Variants in BMP7 observed in about 807,000 individuals in gnomAD.
The protein encoded by BMP7 is osteogenic protein 1.
BMP7 carries 12 observed loss-of-function variants against 41.2 expected under a neutral mutation model. That is an observed-to-expected ratio of 0.29 (90% CI 0.19 to 0.47). The LOEUF (loss-of-function observed/expected upper bound fraction) is 0.47, where lower values mean the gene tolerates loss of function less well. Ranked by LOEUF, BMP7 falls within the 20% of genes least tolerant of loss-of-function variation. BMP7 has a pLI of 0.99. For synonymous variants in BMP7, 248 were observed against 250.0 expected (o/e 0.99, Z 0.07); for missense variants, 467 against 606.0 (o/e 0.77, Z 2.41).
At chr20:57,216,551 A>AGGGGGCTGTCTCCTGAGGGCGG (rs200926960) in intron 2 of BMP7, among the ~76,000 whole-genome samples, 3 of 115,470 alleles carry the variant, frequency 2.6e-5, no homozygotes, top group African/African-American at 1.6e-4. Flanking sequence ...CCTGAGGGCG[A>AGGGGGCTGTCTCCTGAGGGCGG]GGGGCTGTCT....
intron 2 of BMP7, among the ~76,000 whole-genome samples, chr20:57,208,978 G>T (rs1984808263): frequency 6.6e-6 from 1 of 151,846 alleles, no homozygotes; most frequent in Non-Finnish European, 1.5e-5. Flanking sequence ...GAGCCCAGGA[G>T]TTCAAGACCA....
chr20:57,184,023 T>C, intron 3 of BMP7, 104 bp from the exon 4 acceptor site: 1 of 1,285,208 alleles, frequency 7.8e-7, no homozygotes, highest in Non-Finnish European at 1.1e-6. Context: ...CATGAACTCC[T>C]TATTCCTCCA....
intron 4 of BMP7, among the ~76,000 whole-genome samples, chr20:57,181,251 T>C (rs116492589): frequency 0.063 from 9,560 of 152,104 alleles, 370 homozygotes; most frequent in Middle Eastern, 0.14. Flanking sequence ...ATGCCTGTAA[T>C]CTCAGTACTT....
rs1270557215 is a variant in BMP7, at chr20:57,171,047, G to C, written c.1208C>G (p.Ala403Gly). 1 of 1,614,240 alleles carries C rather than the reference G, an allele frequency of 6.2e-7. No homozygotes were observed. Among genetic ancestry groups the C allele is most frequent in the South Asian group, 1.1e-5 (1 of 91,080 alleles). ...KPCCAPTQLNAISVLYFDDSS... is the reference protein window; with the variant it reads ...KPCCAPTQLNGISVLYFDDSS... ...GTCATCGAAGTAGAGGACGGAGATG[G>C]CATTGAGCTGCGTGGGCGCACAGCA... The change falls in exon 7 of 7, where the codon GCC (alanine) becomes GGC (glycine). Residue 403 changes from alanine to glycine, a missense_variant. Ala to Gly is a moderately conservative substitution (Grantham distance 60, BLOSUM62 0). This residue lies in a region of BMP7 where 60 missense variants were observed against 120.1 expected (regional missense o/e 0.50). Coordinates refer to ENST00000395863, the MANE Select transcript of BMP7 (RefSeq NM_001719.3). The surrounding 1 kb of genome is among the most constrained non-coding windows in gnomAD (Gnocchi z 4.5).
chr20:57,245,635 ATTT>A (rs565788005), intron 1 of BMP7, among the ~76,000 whole-genome samples: 55 of 118,606 alleles, frequency 4.6e-4, no homozygotes, highest in South Asian at 5.4e-4. Context: ...GTGATTAGTG[ATTT>A]TTTTTTTTTT....
In BMP7 at chr20:57,254,948, C is replaced by A. The variant is rs149574358; in HGVS notation, c.418+10757G>T. Among the ~76,000 whole-genome samples the A allele has an allele frequency of 7.9e-5, 12 of 152,228 alleles. No homozygotes were observed. The East Asian group carries it at 2.3e-3, about 29-fold the overall frequency. ...TTATGGGGTACATGTAGGTGCCCCCCACAGGCACTCAGGGCCCTATGCCCT... is the reference window on the plus strand; with the variant it reads ...TTATGGGGTACATGTAGGTGCCCCCAACAGGCACTCAGGGCCCTATGCCCT... On this transcript the variant is annotated intron_variant, in intron 1 of 6. Coordinates refer to ENST00000395863, the MANE Select transcript of BMP7 (RefSeq NM_001719.3).
intron 1 of BMP7, among the ~76,000 whole-genome samples, chr20:57,251,330 G>A (rs2066112760): frequency 6.6e-6 from 1 of 152,180 alleles, no homozygotes; most frequent in Non-Finnish European, 1.5e-5. Context: ...TGGGGGCTCT[G>A]CAGTCTGACG....
chr20:57,181,568 C>T (rs545250048), intron 4 of BMP7, among the ~76,000 whole-genome samples: 1 of 152,126 alleles, frequency 6.6e-6, no homozygotes, highest in South Asian at 2.1e-4. Flanking sequence ...TCTTTCCTAT[C>T]GCTGCTTTAA....
intron 1 of BMP7, among the ~76,000 whole-genome samples, chr20:57,252,945 A>G (rs1311856550): frequency 6.6e-6 from 1 of 152,164 alleles, no homozygotes; most frequent in Non-Finnish European, 1.5e-5. Context: ...GCTGCCAAAC[A>G]TCCTATAATA....
Position 57,175,043 on chromosome 20 carries a change from T to G in BMP7, c.959-36A>C, listed in dbSNP as rs113547893. On this transcript the variant is annotated intron_variant, in intron 4 of 6. Transcript: ENST00000395863. ...AAGGAAGTGAAGAAGCAGAGCCCAG[T>G]GAGGAGAAAGAAACACACACACATC... The G allele has an allele frequency of 2.3e-3, 3,591 of 1,589,814 alleles. 6 individuals carry two copies. Among genetic ancestry groups the G allele is most frequent in the Non-Finnish European group, 2.9e-3 (3,379 of 1,169,284 alleles).
At chr20:57,195,934 G>A (rs532906612) in intron 3 of BMP7, among the ~76,000 whole-genome samples, 1 of 152,270 alleles carries the variant, frequency 6.6e-6, no homozygotes, top group Admixed American at 6.5e-5. Context: ...CTATGACCTT[G>A]GAGCTCAGGG....
At position 57,172,842 on chromosome 20, in the gene BMP7, CATCTGTTT is replaced by C. The variant is rs2055147351; in HGVS notation, c.1146+350_1146+357del. Among the ~76,000 whole-genome samples, 4 of 152,278 alleles carry C rather than the reference CATCTGTTT, an allele frequency of 2.6e-5. No homozygotes were observed. The South Asian group carries it at 8.3e-4, about 32-fold the overall frequency. On this transcript the variant is annotated intron_variant, in intron 6 of 6. Coordinates refer to ENST00000395863, the MANE Select transcript of BMP7 (RefSeq NM_001719.3). Reference sequence around the variant, plus strand: ...CACTGTGCCCCTCACTGAAATTTCTCATCTGTTTACCTGTTTCCTCTACTGGAAAATGA... The same window carrying C: ...CACTGTGCCCCTCACTGAAATTTCTCACCTGTTTCCTCTACTGGAAAATGA...
In BMP7 at chr20:57,259,672, C is replaced by T. The variant is rs537107380; in HGVS notation, c.418+6033G>A. Reference sequence around the variant, plus strand: ...TTGCGCGGCTCCCCACAATGCCTTCCGACACAAATGTTGAAAAGGCGGTAT... The same window carrying T: ...TTGCGCGGCTCCCCACAATGCCTTCTGACACAAATGTTGAAAAGGCGGTAT... On this transcript the variant is annotated intron_variant, in intron 1 of 6. Coordinates refer to ENST00000395863, the MANE Select transcript of BMP7 (RefSeq NM_001719.3). This position sits in a 1 kb window ranked among gnomAD's most constrained non-coding sequence, Gnocchi z 4.7. Among the ~76,000 whole-genome samples the T allele has an allele frequency of 7.9e-5, 12 of 152,230 alleles. No homozygotes were observed. The highest frequency in any genetic ancestry group is 2.4e-4 in the African/African-American group (10 of 41,538).
chr20:57,246,136 C>G (rs1225497443), intron 1 of BMP7, among the ~76,000 whole-genome samples: 3 of 152,190 alleles, frequency 2.0e-5, no homozygotes, highest in African/African-American at 7.2e-5. Flanking sequence ...CACAAGTGCT[C>G]TTGATTTCTG....
intron 1 of BMP7, among the ~76,000 whole-genome samples, chr20:57,255,792 T>C (rs1247269867): frequency 7.7e-5 from 6 of 77,606 alleles, no homozygotes; most frequent in African/African-American, 2.9e-4. Context: ...AGCGAGAGAC[T>C]CCATCTCAAA....
intron 5 of BMP7, among the ~76,000 whole-genome samples, chr20:57,173,913 A>G (rs1197722940): frequency 1.1e-4 from 16 of 152,190 alleles, no homozygotes; most frequent in Admixed American, 1.0e-3. Context: ...TAAGGGATCC[A>G]TGTGCCATCC....
intron 1 of BMP7, among the ~76,000 whole-genome samples, chr20:57,240,409 G>A (rs945498303): frequency 6.6e-6 from 1 of 152,136 alleles, no homozygotes; most frequent in Non-Finnish European, 1.5e-5. Flanking sequence ...CAGCGTTTTG[G>A]GCAAAGCCAT....
chr20:57,255,216 A>G (rs1423787333), intron 1 of BMP7, among the ~76,000 whole-genome samples: 1 of 152,196 alleles, frequency 6.6e-6, no homozygotes, highest in African/African-American at 2.4e-5. Context: ...CTCTGCACCC[A>G]GCAAGAGCTG....
Position 57,244,548 on chromosome 20 carries a change from C to T in BMP7, c.419-16127G>A, listed in dbSNP as rs534479267. Among the ~76,000 whole-genome samples, 3 of 152,378 alleles carry T rather than the reference C, an allele frequency of 2.0e-5. No homozygotes were observed. In the East Asian group the frequency reaches 5.8e-4, roughly 29 times the overall value. On this transcript the variant is annotated intron_variant, in intron 1 of 6. Transcript: ENST00000395863. ...GGGGCCTGGAGGTCTGGTTCACACG[C>T]AGGCTCTGCCAATCACCAGCAGTGA...
Sources: gnomAD v4.1 joint callset for allele counts (sites outside exome capture counted in the v4.1 genomes callset) on GRCh38, gnomAD v4.1.1 for gene constraint, gnomAD v4.1.1 regional missense constraint, Gnocchi (gnomAD v3.1) non-coding constraint, MANE v1.5 for transcripts, NCBI Gene and HGNC (gene_info 2026-07-23, HGNC 2026-07-21) for gene names.